The following FARS2 variants were observed in gnomAD, a reference collection of about 807,000 sequenced individuals.
The protein encoded by FARS2 is phenylalanyl-tRNA synthetase 2, mitochondrial.
In FARS2, 40 loss-of-function variants were observed where a neutral mutation model predicts 46.4. The observed-to-expected ratio is 0.86, with a 90% confidence interval of 0.67 to 1.12. The LOEUF is 1.12. FARS2 is among the 50% of genes most tolerant of loss of function. The pLI, the probability that FARS2 is intolerant of heterozygous loss-of-function variation, is 0.00. For synonymous variants in FARS2, 234 were observed against 214.9 expected, an observed-to-expected ratio of 1.09 and a Z score of -0.78; for missense variants, 513 against 567.9, an observed-to-expected ratio of 0.90 and a Z score of 0.98.
chr6:5,567,054 A>C (rs766838673), intron 5 of FARS2, among the ~76,000 whole-genome samples: 12 of 152,356 alleles, frequency 7.9e-5, no homozygotes, highest in East Asian at 7.7e-4. Flanking sequence ...AGCTGGGTTT[A>C]CAGTCTATAG....
intron 6 of FARS2, among the ~76,000 whole-genome samples, chr6:5,753,164 GGAGA>G (rs71844578): frequency 0.077 from 11,720 of 152,154 alleles, 761 homozygotes; most frequent in East Asian, 0.17. Context: ...GGGTGAGGGA[GGAGA>G]GAGAGAGCAA....
chr6:5,717,105 T>A (rs1403310076), intron 6 of FARS2, among the ~76,000 whole-genome samples: 1 of 152,190 alleles, frequency 6.6e-6, no homozygotes, highest in African/African-American at 2.4e-5. Flanking sequence ...GCAGGGCCCC[T>A]TCAGAAATGG....
At chr6:5,361,041 T>C (rs1284848489) in intron 1 of FARS2, among the ~76,000 whole-genome samples, 1 of 152,220 alleles carries the variant, frequency 6.6e-6, no homozygotes, top group African/African-American at 2.4e-5. Context: ...TATTTGGAAA[T>C]ATAAATACAT....
chr6:5,492,217 G>T (rs1315324434), intron 4 of FARS2, among the ~76,000 whole-genome samples: 2 of 152,138 alleles, frequency 1.3e-5, no homozygotes, highest in South Asian at 4.1e-4. Flanking sequence ...ACTTTGAATG[G>T]TGAAAACACA....
At chr6:5,291,945 C>T (rs1285608545) in intron 1 of FARS2, among the ~76,000 whole-genome samples, 7 of 152,010 alleles carry the variant, frequency 4.6e-5, no homozygotes, top group Admixed American at 1.3e-4. Flanking sequence ...TCAACAATTA[C>T]AATAAAAATT....
At chr6:5,477,310 C>T (rs1230407148) in intron 4 of FARS2, among the ~76,000 whole-genome samples, 1 of 152,202 alleles carries the variant, frequency 6.6e-6, no homozygotes, top group African/African-American at 2.4e-5. Flanking sequence ...TGTCTCAGCT[C>T]ACAACAGACC....
chr6:5,483,682 A>T lies in FARS2; in HGVS notation c.904+52510A>T, dbSNP rs145816470. Reference sequence around the variant, plus strand: ...ACTCTGTCTCAAAAAATAAATAAATAAATAAATAATAAAAATGAATAAATA... The same window carrying T: ...ACTCTGTCTCAAAAAATAAATAAATTAATAAATAATAAAAATGAATAAATA... On this transcript the variant is annotated intron_variant, in intron 4 of 6. Coordinates refer to ENST00000274680, the MANE Select transcript of FARS2 (RefSeq NM_006567.5). 4.7e-3 allele frequency among the ~76,000 whole-genome samples: 717 copies of T among 151,940 alleles called. 6 individuals are homozygous for T. Among genetic ancestry groups the T allele is most frequent in the African/African-American group, 0.016 (655 of 41,368 alleles).
chr6:5,583,039 C>T (rs1235268277), intron 5 of FARS2, among the ~76,000 whole-genome samples: 1 of 152,146 alleles, frequency 6.6e-6, no homozygotes, highest in African/African-American at 2.4e-5. Flanking sequence ...TGATTTCCAG[C>T]CCTCATTCTT....
At chr6:5,484,393 A>G (rs990195252) in intron 4 of FARS2, among the ~76,000 whole-genome samples, 2 of 152,224 alleles carry the variant, frequency 1.3e-5, no homozygotes, top group South Asian at 2.1e-4. Context: ...AACACAGTCC[A>G]TTAGAGCTTG....
chr6:5,363,025 C>G (rs957592708), intron 1 of FARS2, among the ~76,000 whole-genome samples: 1 of 148,148 alleles, frequency 6.8e-6, no homozygotes, highest in Non-Finnish European at 1.5e-5. Context: ...CTCCTGGGTT[C>G]ACACCATTCT....
intron 6 of FARS2, among the ~76,000 whole-genome samples, chr6:5,740,879 C>T (rs139483677): frequency 4.0e-4 from 61 of 152,334 alleles, no homozygotes; most frequent in African/African-American, 1.4e-3. Context: ...AAGATTACTG[C>T]TGGCACACTC....
At chr6:5,674,210 A>AG (rs1778635588) in intron 6 of FARS2, among the ~76,000 whole-genome samples, 1 of 150,410 alleles carries the variant, frequency 6.6e-6, no homozygotes, top group Non-Finnish European at 1.5e-5. Flanking sequence ...AAAAAAAAAA[A>AG]AAAAGGAAAG....
chr6:5,410,384 A>T (rs1761877323), intron 3 of FARS2, among the ~76,000 whole-genome samples: 1 of 149,354 alleles, frequency 6.7e-6, no homozygotes. Context: ...CTGGTCTCGA[A>T]CTCCTGACCT....
chr6:5,744,398 A>G (rs1013610651), intron 6 of FARS2, among the ~76,000 whole-genome samples: 14 of 152,236 alleles, frequency 9.2e-5, no homozygotes, highest in African/African-American at 3.4e-4. Context: ...GGTAACAATC[A>G]GTGTTAGTAA....
intron 6 of FARS2, among the ~76,000 whole-genome samples, chr6:5,745,347 A>C (rs1345125976): frequency 6.6e-6 from 1 of 152,174 alleles, no homozygotes; most frequent in Non-Finnish European, 1.5e-5. Flanking sequence ...AAATAGACAC[A>C]CTTCATTATG....
chr6:5,747,615 G>T (rs930754956), intron 6 of FARS2, among the ~76,000 whole-genome samples: 2 of 152,202 alleles, frequency 1.3e-5, no homozygotes, highest in African/African-American at 4.8e-5. Flanking sequence ...GGCAGGAGTT[G>T]TTGGGCACTG....
chr6:5,726,639 G>A (rs988029079), intron 6 of FARS2, among the ~76,000 whole-genome samples: 3 of 152,224 alleles, frequency 2.0e-5, no homozygotes, highest in African/African-American at 7.2e-5. Flanking sequence ...CATGTGCCCA[G>A]GATCCCTCTA....
At chr6:5,317,519 G>T (rs767455321) in intron 1 of FARS2, among the ~76,000 whole-genome samples, 1 of 152,122 alleles carries the variant, frequency 6.6e-6, no homozygotes, top group African/African-American at 2.4e-5. Context: ...GGTGGTTCAT[G>T]CCTGTAATCC....
At chr6:5,260,609 TGGCCCCC>T (rs766721319), upstream of FARS2, 20 of 594,232 alleles carry the variant, frequency 3.4e-5, no homozygotes, top group South Asian at 3.0e-4. Context: ...CCCCGGCCCC[TGGCCCCC>T]CGCCCCCGGC....
Sources: allele counts gnomAD v4.1 joint callset (sites outside exome capture counted in the v4.1 genomes callset), GRCh38; gene constraint gnomAD v4.1.1; transcripts MANE v1.5; gene names NCBI Gene and HGNC (gene_info 2026-07-23, HGNC 2026-07-21).